RGS12: variants seen among roughly 807,000 people sequenced by gnomAD.
RGS12 encodes the protein regulator of G-protein signaling 12.
Under a neutral mutation model 120.1 loss-of-function variants are expected in RGS12, and 66 were observed. The observed-to-expected ratio is 0.55, with a 90% CI of 0.45 to 0.67. RGS12 has a LOEUF of 0.67. RGS12 is among the 30% of genes least tolerant of loss of function. RGS12 has a pLI of 0.00. For missense variants in RGS12, 1,859 were observed against 1,957.7 expected, an observed-to-expected ratio of 0.95 and a Z score of 0.95; for synonymous variants, 827 against 804.7, an observed-to-expected ratio of 1.03 and a Z score of -0.47.
At chr4:3,373,161 G>A (rs967305009) in intron 3 of RGS12, among the ~76,000 whole-genome samples, 4 of 152,194 alleles carry the variant, frequency 2.6e-5, no homozygotes. Flanking sequence ...GGTCACGAGG[G>A]GGCGGTGGCT....
At chr4:3,375,779 C>T (rs191834279) in intron 3 of RGS12, among the ~76,000 whole-genome samples, 101 of 152,174 alleles carry the variant, frequency 6.6e-4, no homozygotes, top group Middle Eastern at 3.4e-3. Flanking sequence ...ATCTCCAGCA[C>T]GGGATGAGCT....
At chr4:3,423,757 T>C in intron 13 of RGS12, 116 bp downstream of exon 13, 2 of 1,343,362 alleles carry the variant, frequency 1.5e-6, no homozygotes, top group Non-Finnish European at 2.0e-6. Context: ...TCCCCTGATC[T>C]GGTTGTCCCC....
chr4:3,328,758 G>A (rs866080304), intron 2 of RGS12, among the ~76,000 whole-genome samples: 7 of 152,132 alleles, frequency 4.6e-5, no homozygotes, highest in Non-Finnish European at 7.4e-5. Flanking sequence ...AAAGTCAGCC[G>A]GAGCTGTGTT....
At chr4:3,314,667 G>A (rs752675117) in intron 1 of RGS12, 6 of 152,250 alleles carry the variant, frequency 3.9e-5, no homozygotes, top group Non-Finnish European at 7.3e-5. Context: ...GCCTCCCAAA[G>A]CGCTGGGATT....
At chr4:3,388,223 CGG>C (rs1719068108) in intron 4 of RGS12, among the ~76,000 whole-genome samples, 2 of 6,266 alleles carry the variant, frequency 3.2e-4, no homozygotes, top group African/African-American at 1.3e-3. Context: ...GAGGAGGAGA[CGG>C]GAGGGAGGAG....
At chr4:3,424,688 G>C (rs984889656) in intron 13 of RGS12, among the ~76,000 whole-genome samples, 6 of 152,248 alleles carry the variant, frequency 3.9e-5, no homozygotes. Context: ...AGGCTGTGGG[G>C]GCTATGGAGG....
intron 3 of RGS12, among the ~76,000 whole-genome samples, chr4:3,383,533 G>C (rs886440416): frequency 3.9e-5 from 6 of 151,946 alleles, no homozygotes; most frequent in Non-Finnish European, 8.8e-5. Context: ...TCAAACCCAG[G>C]AGGATTGAGG....
Position 3,318,004 on chromosome 4 carries a change from A to T in RGS12, c.1834A>T (p.Ile612Phe). The change falls in exon 2 of 18, where the codon ATT (isoleucine) becomes TTT (phenylalanine). Residue 612 changes from isoleucine (I) to phenylalanine (F), a missense_variant. This residue lies in a region of RGS12 where 967 missense variants were observed against 994.2 expected (regional missense o/e 0.97). Coordinates refer to ENST00000336727, the MANE Select transcript of RGS12 (RefSeq NM_001394154.1). ...WSRKAFGMQSIFGPHRNVRKT... is the reference protein window; with the variant it reads ...WSRKAFGMQSFFGPHRNVRKT... ...CAGGAAGGCCTTTGGAATGCAAAGC[A>T]TTTTTGGTCCCCATCGAAATGTTCG... The T allele has an allele frequency of 6.2e-7, 1 of 1,611,958 alleles. No individual in the cohort carries two copies. Among genetic ancestry groups the T allele is most frequent in the Non-Finnish European group, 8.5e-7 (1 of 1,179,074 alleles).
intron 17 of RGS12, chr4:3,431,238 G>A (rs1413875096): frequency 8.4e-6 from 11 of 1,304,550 alleles, no homozygotes; most frequent in East Asian, 3.4e-5. Context: ...TGCCTGCAGC[G>A]AGGTCTGGGA....
chr4:3,364,485 T>C (rs1716091618), intron 3 of RGS12, among the ~76,000 whole-genome samples: 1 of 152,126 alleles, frequency 6.6e-6, no homozygotes, highest in South Asian at 2.1e-4. Flanking sequence ...GGCAACGTCC[T>C]GCCTTTGGGA....
intron 3 of RGS12, among the ~76,000 whole-genome samples, chr4:3,371,822 G>A (rs571141968): frequency 5.9e-5 from 9 of 152,332 alleles, no homozygotes; most frequent in South Asian, 2.1e-4. Context: ...CTGGGGTGCC[G>A]CCGTCCGTGT....
chr4:3,309,714 C>T (rs574201593), intron 1 of RGS12, among the ~76,000 whole-genome samples: 34 of 133,546 alleles, frequency 2.5e-4, no homozygotes, highest in African/African-American at 8.8e-4. Flanking sequence ...GAGCTGGGAC[C>T]TGGGAATGGC....
rs776844759 is a variant in RGS12, at chr4:3,316,432, T to C, written c.262T>C (p.Ser88Pro). ...EDVVKLIGKC[S>P]GVLHMVIAEG... ...TGTAGTGAAATTAATTGGGAAGTGC[T>C]CTGGTGTCCTTCACATGGTGATTGC... is the stretch of plus-strand genomic sequence containing the variant. Residue 88 changes from serine (S) to proline (P), a missense_variant, in exon 2 of 18, where the codon TCT becomes CCT. This residue lies in a region of RGS12 where 967 missense variants were observed against 994.2 expected (regional missense o/e 0.97). Transcript: ENST00000336727. The C allele has an allele frequency of 1.9e-6, 3 of 1,614,160 alleles. No homozygotes were observed. The South Asian group carries it at 3.3e-5, about 18-fold the overall frequency.
chr4:3,417,370 G>A lies in RGS12; in HGVS notation c.2608-18G>A. 6.4e-7 allele frequency: 1 copy of A among 1,557,464 alleles called. No individual in the cohort carries two copies. The highest frequency in any genetic ancestry group is 2.3e-5 in the East Asian group (1 of 44,166). On this transcript the variant is annotated intron_variant, in intron 8 of 17. Transcript: ENST00000336727. ...ATAACTTCACATTGTTTTAACCAAG[G>A]TTTCCATTTGATGACAGTTAAGTGG... is the stretch of plus-strand genomic sequence containing the variant.
At chr4:3,335,978 G>A (rs977207613) in intron 2 of RGS12, among the ~76,000 whole-genome samples, 6 of 152,118 alleles carry the variant, frequency 3.9e-5, no homozygotes, top group African/African-American at 1.4e-4. Context: ...TGTAGTCCCC[G>A]CTACTTGGGA....
chr4:3,439,673 A>G lies in RGS12; in HGVS notation c.4333A>G (p.Thr1445Ala). 3 of 1,531,514 alleles carry G rather than the reference A, an allele frequency of 2.0e-6. No homozygotes were observed. The highest frequency in any genetic ancestry group is 1.3e-5 in the South Asian group (1 of 77,626). 94.9% of individuals were successfully genotyped at this position (1,531,514 alleles called of 1,614,324 possible). The change falls in exon 18 of 18, where the codon ACC (threonine) becomes GCC (alanine). Residue 1445 changes from threonine to alanine, a missense_variant. Physicochemically the swap from Thr to Ala is moderately conservative, Grantham distance 58. Coordinates refer to ENST00000336727, the MANE Select transcript of RGS12 (RefSeq NM_001394154.1). ...GCCCAAGACCAGCGCTCACCACGCCACCTTCGTCTGAGCTGCCCTGGCCTG... is the reference window on the plus strand; with the variant it reads ...GCCCAAGACCAGCGCTCACCACGCCGCCTTCGTCTGAGCTGCCCTGGCCTG... ...AKPKTSAHHA[T>A]FV
chr4:3,380,715 A>T (rs1219717334), intron 3 of RGS12, among the ~76,000 whole-genome samples: 1 of 152,126 alleles, frequency 6.6e-6, no homozygotes. Flanking sequence ...CCATGGCTGG[A>T]GCTGAAGCAG....
At chr4:3,410,573 C>G (rs548312640) in intron 4 of RGS12, among the ~76,000 whole-genome samples, 16 of 152,314 alleles carry the variant, frequency 1.1e-4, no homozygotes, top group African/African-American at 3.8e-4. Flanking sequence ...CGAAGTGCAC[C>G]CCGGCAGCAG....
At chr4:3,356,300 C>T (rs1025579493) in intron 3 of RGS12, among the ~76,000 whole-genome samples, 1 of 152,022 alleles carries the variant, frequency 6.6e-6, no homozygotes, top group African/African-American at 2.4e-5. Context: ...AGTGATCCAC[C>T]TGCCTTGGCC....
Sources: gnomAD v4.1 joint callset for allele counts (sites outside exome capture counted in the v4.1 genomes callset) on GRCh38, gnomAD v4.1.1 for gene constraint, gnomAD v4.1.1 regional missense constraint, MANE v1.5 for transcripts, NCBI Gene and HGNC (gene_info 2026-07-23, HGNC 2026-07-21) for gene names.